The following PLPPR1 variants were observed in gnomAD, a reference collection of about 807,000 sequenced individuals.
The protein encoded by PLPPR1 is phospholipid phosphatase related 1.
A neutral mutation model predicts 33.1 loss-of-function variants in PLPPR1; 10 were observed. The ratio of observed to expected loss-of-function variants is 0.30; its 90% CI spans 0.19 to 0.51. The LOEUF is 0.51. PLPPR1 is among the 20% of genes least tolerant of loss of function. The pLI is 0.97. For missense variants in PLPPR1, 304 were observed against 408.1 expected (o/e 0.74, Z 2.20); for synonymous variants, 151 against 151.0 (o/e 1.00, Z 0.00).
intron 1 of PLPPR1, among the ~76,000 whole-genome samples, chr9:101,130,154 T>A (rs1319445329): frequency 6.6e-6 from 1 of 152,172 alleles, no homozygotes; most frequent in Non-Finnish European, 1.5e-5. Flanking sequence ...TTAAATATGT[T>A]CAGTTTATTT....
At chr9:101,282,911 T>A (rs1828329365) in intron 3 of PLPPR1, among the ~76,000 whole-genome samples, 1 of 152,212 alleles carries the variant, frequency 6.6e-6, no homozygotes, top group African/African-American at 2.4e-5. Context: ...GAAGATATTC[T>A]ATGTTCATGG....
chr9:101,142,567 G>T (rs73656169), intron 1 of PLPPR1, among the ~76,000 whole-genome samples: 1 of 152,102 alleles, frequency 6.6e-6, no homozygotes, highest in African/African-American at 2.4e-5. Context: ...CCGTATCTTC[G>T]CCTGCTTCAG....
At chr9:101,039,342 C>T (rs971512105) in intron 1 of PLPPR1, among the ~76,000 whole-genome samples, 1 of 152,110 alleles carries the variant, frequency 6.6e-6, no homozygotes, top group African/African-American at 2.4e-5. Flanking sequence ...ACCCCTCCCA[C>T]AGTGATGTTT....
chr9:101,264,377 G>A (rs1482135789), intron 2 of PLPPR1, among the ~76,000 whole-genome samples: 1 of 151,986 alleles, frequency 6.6e-6, no homozygotes, highest in Non-Finnish European at 1.5e-5. Context: ...ACACCACACA[G>A]CCCTCTCCTT....
intron 2 of PLPPR1, among the ~76,000 whole-genome samples, chr9:101,234,228 T>C (rs1827248780): frequency 6.6e-6 from 1 of 151,906 alleles, no homozygotes; most frequent in Admixed American, 6.6e-5. Flanking sequence ...CCCCCTACTG[T>C]TTGTAACATA....
At chr9:101,163,135 A>C (rs1438409659) in intron 1 of PLPPR1, among the ~76,000 whole-genome samples, 1 of 152,176 alleles carries the variant, frequency 6.6e-6, no homozygotes, top group Non-Finnish European at 1.5e-5. Context: ...TATCTGTGTG[A>C]ATAAGGAGAA....
At chr9:101,111,831 T>G (rs144873001) in intron 1 of PLPPR1, among the ~76,000 whole-genome samples, 384 of 152,292 alleles carry the variant, frequency 2.5e-3, no homozygotes, top group Non-Finnish European at 4.0e-3. Flanking sequence ...TTAAGGTATC[T>G]GTCCACCCAA....
chr9:101,164,754 TGAAGTA>T (rs1171913620), intron 1 of PLPPR1, among the ~76,000 whole-genome samples: 1 of 152,158 alleles, frequency 6.6e-6, no homozygotes, highest in African/African-American at 2.4e-5. Context: ...AGGGGAAAGA[TGAAGTA>T]GAAGTAAAAC....
chr9:101,142,265 A>T (rs565041535), intron 1 of PLPPR1, among the ~76,000 whole-genome samples: 1 of 152,316 alleles, frequency 6.6e-6, no homozygotes, highest in African/African-American at 2.4e-5. Context: ...CCTATTAACC[A>T]TTATACCATT....
chr9:101,236,182 T>C (rs1391665576), intron 2 of PLPPR1, among the ~76,000 whole-genome samples: 1 of 151,708 alleles, frequency 6.6e-6, no homozygotes, highest in Non-Finnish European at 1.5e-5. Context: ...TCCCTAGCAA[T>C]AGAAAACACA....
At chr9:101,153,296 G>T (rs1238702183) in intron 1 of PLPPR1, among the ~76,000 whole-genome samples, 1 of 152,174 alleles carries the variant, frequency 6.6e-6, no homozygotes, top group Non-Finnish European at 1.5e-5. Context: ...ATTTTGGGTG[G>T]AGAGGATGGG....
chr9:101,134,385 ATT>A (rs34613253), intron 1 of PLPPR1, among the ~76,000 whole-genome samples: 82 of 145,820 alleles, frequency 5.6e-4, no homozygotes, highest in Middle Eastern at 3.5e-3. Context: ...TAAGAACAGG[ATT>A]TTTTTTTTTT....
At chr9:101,063,408 C>T (rs1194807521) in intron 1 of PLPPR1, among the ~76,000 whole-genome samples, 1 of 151,958 alleles carries the variant, frequency 6.6e-6, no homozygotes, top group Non-Finnish European at 1.5e-5. Flanking sequence ...TTGTGAGTAC[C>T]CTTCTAGTGG....
intron 1 of PLPPR1, among the ~76,000 whole-genome samples, chr9:101,153,594 A>G (rs1455751357): frequency 1.3e-5 from 2 of 152,076 alleles, no homozygotes; most frequent in African/African-American, 2.4e-5. Flanking sequence ...TTATTTATTG[A>G]GACAGAGTCT....
intron 1 of PLPPR1, among the ~76,000 whole-genome samples, chr9:101,088,974 T>A (rs1048588384): frequency 6.6e-6 from 1 of 152,178 alleles, no homozygotes; most frequent in Non-Finnish European, 1.5e-5. Flanking sequence ...GAAACAAATA[T>A]CTTGACACCT....
chr9:101,291,726 G>T (rs1444956761), intron 4 of PLPPR1, among the ~76,000 whole-genome samples: 1 of 152,194 alleles, frequency 6.6e-6, no homozygotes, highest in Admixed American at 6.5e-5. Flanking sequence ...CCGCAGCTGA[G>T]GGTCCTGTCT....
At chr9:101,117,165 A>T (rs1307720219) in intron 1 of PLPPR1, among the ~76,000 whole-genome samples, 1 of 152,158 alleles carries the variant, frequency 6.6e-6, no homozygotes, top group Non-Finnish European at 1.5e-5. Flanking sequence ...GCTGGGTAAA[A>T]TGAGGCTGAG....
chr9:101,079,559 C>T (rs1006700177), intron 1 of PLPPR1, among the ~76,000 whole-genome samples: 1 of 147,668 alleles, frequency 6.8e-6, no homozygotes, highest in East Asian at 2.0e-4. Context: ...AGGTATTGCT[C>T]TATTATCTTT....
intron 1 of PLPPR1, among the ~76,000 whole-genome samples, chr9:101,052,556 A>G (rs547788679): frequency 6.6e-4 from 101 of 152,316 alleles, no homozygotes; most frequent in Non-Finnish European, 1.0e-3. Context: ...GAAGACAGAC[A>G]TGGCTGGAGT....
Sources: allele counts gnomAD v4.1 joint callset (sites outside exome capture counted in the v4.1 genomes callset), GRCh38; gene constraint gnomAD v4.1.1; transcripts MANE v1.5; gene names NCBI Gene and HGNC (gene_info 2026-07-23, HGNC 2026-07-21).